Variants in BTBD10 observed in about 807,000 individuals in gnomAD.
BTBD10 encodes BTB/POZ domain-containing protein 10.
BTBD10 carries 21 observed loss-of-function variants against 53.2 expected under a neutral mutation model. The ratio of observed to expected loss-of-function variants is 0.39; its 90% CI spans 0.28 to 0.57. The LOEUF is 0.57. Ranked by LOEUF, BTBD10 falls within the 20% of genes least tolerant of loss-of-function variation. The probability of loss-of-function intolerance (pLI) is 0.53; values close to 1 mark genes in which losing one functional copy is unlikely to be tolerated. For synonymous variants in BTBD10, 149 were observed against 192.7 expected (o/e 0.77, Z 1.88); for missense variants, 360 against 594.7 (o/e 0.61, Z 4.10).
intron 1 of BTBD10, among the ~76,000 whole-genome samples, chr11:13,455,715 G>C (rs1422684160): frequency 6.6e-6 from 1 of 152,168 alleles, no homozygotes; most frequent in African/African-American, 2.4e-5. Flanking sequence ...TCCTGAAGCT[G>C]ATGCCTAAAT....
intron 2 of BTBD10, among the ~76,000 whole-genome samples, chr11:13,434,140 A>G (rs1489227585): frequency 6.6e-6 from 1 of 152,164 alleles, no homozygotes; most frequent in Non-Finnish European, 1.5e-5. Flanking sequence ...TATAGCCTAA[A>G]AATAGTTTTA....
At chr11:13,437,026 G>A (rs1004120968) in intron 2 of BTBD10, among the ~76,000 whole-genome samples, 1 of 152,102 alleles carries the variant, frequency 6.6e-6, no homozygotes, top group Non-Finnish European at 1.5e-5. Context: ...CAAGCAACCC[G>A]CACGCCTCAG....
intron 1 of BTBD10, among the ~76,000 whole-genome samples, chr11:13,458,764 T>C (rs1024666674): frequency 1.3e-5 from 2 of 152,210 alleles, no homozygotes; most frequent in Admixed American, 6.5e-5. Flanking sequence ...CAGTTAACCA[T>C]CTTACAGGAG....
intron 4 of BTBD10, among the ~76,000 whole-genome samples, chr11:13,417,773 C>T (rs1269681966): frequency 1.3e-5 from 2 of 152,106 alleles, no homozygotes; most frequent in Non-Finnish European, 2.9e-5. Context: ...GTAACAAATC[C>T]TACTCAAAAT....
intron 8 of BTBD10, among the ~76,000 whole-genome samples, chr11:13,400,071 A>G (rs1476538350): frequency 6.6e-6 from 1 of 152,158 alleles, no homozygotes; most frequent in Admixed American, 6.5e-5. Flanking sequence ...CTCTCTTCAA[A>G]GCTGTCAGAC....
intron 6 of BTBD10, among the ~76,000 whole-genome samples, chr11:13,410,791 C>T (rs2135790510): frequency 6.6e-6 from 1 of 152,162 alleles, no homozygotes; most frequent in South Asian, 2.1e-4. Context: ...ATTCTACACA[C>T]AGCAATAATA....
At position 13,447,153 on chromosome 11, in the gene BTBD10, C is replaced by A. The variant is rs1039137579; in HGVS notation, c.-57-1972G>T. Among the ~76,000 whole-genome samples, 5 of 152,026 alleles carry A rather than the reference C, an allele frequency of 3.3e-5. 1 individual carries two copies. The Middle Eastern group carries it at 0.01, about 310-fold the overall frequency. The stretch of plus-strand genomic sequence containing the variant: ...TCTTTCTTCTTTCTCTTTATCTCTC[C>A]TCTTCTTTTTCTTTTTCTTTCTCTC... On this transcript the variant is annotated intron_variant, in intron 1 of 8. Transcript: ENST00000278174.
At chr11:13,447,169 T>A (rs1234181155) in intron 1 of BTBD10, among the ~76,000 whole-genome samples, 1 of 152,176 alleles carries the variant, frequency 6.6e-6, no homozygotes, top group Non-Finnish European at 1.5e-5. Context: ...TTTTTCTTTT[T>A]CTTTCTCTCT....
intron 1 of BTBD10, among the ~76,000 whole-genome samples, chr11:13,457,582 A>G (rs925296327): frequency 8.5e-5 from 13 of 152,354 alleles, no homozygotes; most frequent in Admixed American, 6.5e-4. Context: ...ATACACATGT[A>G]TTTATTTTTG....
At chr11:13,432,718 A>C (rs1402509089) in intron 2 of BTBD10, among the ~76,000 whole-genome samples, 1 of 152,100 alleles carries the variant, frequency 6.6e-6, no homozygotes, top group Non-Finnish European at 1.5e-5. Flanking sequence ...AAGTTCTGAG[A>C]AATGCAAAAT....
At chr11:13,397,591 A>G (rs1949589605) in intron 8 of BTBD10, among the ~76,000 whole-genome samples, 1 of 152,080 alleles carries the variant, frequency 6.6e-6, no homozygotes, top group South Asian at 2.1e-4. Flanking sequence ...CAGCTTTTGA[A>G]TGTGTTTGCT....
In BTBD10 at chr11:13,446,597, C is replaced by A. The variant is rs7930734; in HGVS notation, c.-57-1416G>T. Among the ~76,000 whole-genome samples, 618 of 152,180 alleles carry A rather than the reference C, an allele frequency of 4.1e-3. 7 individuals are homozygous for A. Among genetic ancestry groups the A allele is most frequent in the African/African-American group, 0.013 (559 of 41,534 alleles). On this transcript the variant is annotated intron_variant, in intron 1 of 8. Coordinates refer to ENST00000278174, the MANE Select transcript of BTBD10 (RefSeq NM_032320.7). ...AAAGGAAGAACTGCTGATTCAAATTCTTCCTTTGAATCTATGACTGATGCA... is the reference window on the plus strand; with the variant it reads ...AAAGGAAGAACTGCTGATTCAAATTATTCCTTTGAATCTATGACTGATGCA...
At chr11:13,405,111 G>C (rs75783054) in intron 7 of BTBD10, among the ~76,000 whole-genome samples, 1 of 151,964 alleles carries the variant, frequency 6.6e-6, no homozygotes, top group East Asian at 1.9e-4. Context: ...GCTCAAGATA[G>C]GCCATTTTGG....
intron 2 of BTBD10, among the ~76,000 whole-genome samples, chr11:13,431,200 C>T (rs1222363572): frequency 6.6e-6 from 1 of 151,982 alleles, no homozygotes; most frequent in Non-Finnish European, 1.5e-5. Flanking sequence ...CTTCTCTTAC[C>T]AATCTACATA....
chr11:13,425,884 A>T (rs993504479), intron 2 of BTBD10, among the ~76,000 whole-genome samples: 2 of 152,196 alleles, frequency 1.3e-5, no homozygotes, highest in Non-Finnish European at 2.9e-5. Context: ...ATTAAAAATA[A>T]CTTTAAAAAA....
At chr11:13,397,235 T>A (rs1182045841) in intron 8 of BTBD10, among the ~76,000 whole-genome samples, 3 of 152,258 alleles carry the variant, frequency 2.0e-5, no homozygotes, top group African/African-American at 4.8e-5. Flanking sequence ...TATTGGTCTA[T>A]TCAGAGATTC....
chr11:13,423,326 T>G (rs1950278356), intron 2 of BTBD10, among the ~76,000 whole-genome samples: 1 of 152,218 alleles, frequency 6.6e-6, no homozygotes, highest in Admixed American at 6.5e-5. Context: ...TGAATGATCC[T>G]TAATATTCTG....
In BTBD10 at chr11:13,421,635, T is replaced by C. The variant is rs755821523; in HGVS notation, c.298+7A>G. The C allele has an allele frequency of 5.6e-5, 90 of 1,607,872 alleles. No individual in the cohort carries two copies. The highest frequency in any genetic ancestry group is 7.5e-5 in the Non-Finnish European group (88 of 1,176,622). On this transcript the variant is annotated splice_region_variant and intron_variant, in intron 3 of 8. Coordinates refer to ENST00000278174, the MANE Select transcript of BTBD10 (RefSeq NM_032320.7). The stretch of plus-strand genomic sequence containing the variant: ...AACTGTTAGGAAGGTTAGTTGATTT[T>C]ACATACCAACATGGTGCTGTCGTGT...
chr11:13,443,434 C>T (rs1033634009), intron 2 of BTBD10, among the ~76,000 whole-genome samples: 3 of 151,874 alleles, frequency 2.0e-5, no homozygotes, highest in Non-Finnish European at 4.4e-5. Context: ...TCTCCCTTGT[C>T]ACCTCTTCAT....
Sources: gnomAD v4.1 joint callset for allele counts (sites outside exome capture counted in the v4.1 genomes callset) on GRCh38, gnomAD v4.1.1 for gene constraint, MANE v1.5 for transcripts, NCBI Gene and HGNC (gene_info 2026-07-23, HGNC 2026-07-21) for gene names.